The following PCDHA7 variants were observed in gnomAD, a reference collection of about 807,000 sequenced individuals.
PCDHA7 encodes protocadherin alpha-7.
A neutral mutation model predicts 57.2 loss-of-function variants in PCDHA7; 37 were observed. The observed-to-expected ratio is 0.65, with a 90% CI of 0.50 to 0.85. The LOEUF is 0.85. Among genes scored for constraint, PCDHA7 ranks in the 40% least tolerant of loss-of-function variants. The probability of loss-of-function intolerance (pLI) is 0.00; values close to 1 mark genes in which losing one functional copy is unlikely to be tolerated. For missense variants in PCDHA7, 1,188 were observed against 1,241.8 expected, an observed-to-expected ratio of 0.96 and a Z score of 0.65; for synonymous variants, 553 against 558.8, an observed-to-expected ratio of 0.99 and a Z score of 0.15.
intron 1 of PCDHA7, chr5:140,871,001 C>T (rs2052611705): frequency 1.9e-6 from 3 of 1,613,292 alleles, no homozygotes; most frequent in Admixed American, 1.7e-5. Flanking sequence ...ATAAGCACAA[C>T]GCGTGCCCTG....
intron 1 of PCDHA7, chr5:140,843,047 G>T (rs2150350980): frequency 1.9e-6 from 3 of 1,594,938 alleles, no homozygotes; most frequent in Non-Finnish European, 2.6e-6. Flanking sequence ...CACTGGTGGC[G>T]CAGCGAGCAA....
chr5:140,913,670 A>G (rs2076427033), intron 1 of PCDHA7, among the ~76,000 whole-genome samples: 1 of 152,090 alleles, frequency 6.6e-6, no homozygotes, highest in Non-Finnish European at 1.5e-5. Flanking sequence ...TAGTTAGGTT[A>G]TTTAAAATGA....
intron 1 of PCDHA7, among the ~76,000 whole-genome samples, chr5:140,948,051 T>A (rs1554218425): frequency 2.0e-5 from 3 of 151,622 alleles, no homozygotes; most frequent in African/African-American, 7.2e-5. Context: ...CATGATTCAT[T>A]GTTGAATTTC....
At chr5:140,897,458 G>T (rs191522392) in intron 1 of PCDHA7, among the ~76,000 whole-genome samples, 1 of 151,310 alleles carries the variant, frequency 6.6e-6, no homozygotes, top group African/African-American at 2.4e-5. Flanking sequence ...TTGTCCTTGC[G>T]ATAGTTTACT....
Position 140,843,107 on chromosome 5 carries a change from G to T in PCDHA7, c.2355+6369G>T, listed in dbSNP as rs1554139748. The T allele has an allele frequency of 5.6e-6, 9 of 1,595,816 alleles. 1 individual carries two copies. Among genetic ancestry groups the T allele is most frequent in the Non-Finnish European group, 6.9e-6 (8 of 1,165,524 alleles). ...GGGCCACGTGGTAGCGAAGGTGCGCGCAGTGGACGCCGACTCGGGCTACAA... is the reference window on the plus strand; with the variant it reads ...GGGCCACGTGGTAGCGAAGGTGCGCTCAGTGGACGCCGACTCGGGCTACAA... On this transcript the variant is annotated intron_variant, in intron 1 of 3. Coordinates refer to ENST00000525929, the MANE Select transcript of PCDHA7 (RefSeq NM_018910.3).
At chr5:140,882,319 G>A in intron 1 of PCDHA7, 1 of 1,614,136 alleles carries the variant, frequency 6.2e-7, no homozygotes, top group Admixed American at 1.7e-5. Context: ...TACTGCTCTG[G>A]CTTCTGATCC....
At chr5:140,908,185 G>C (rs1399259532) in intron 1 of PCDHA7, among the ~76,000 whole-genome samples, 1 of 152,148 alleles carries the variant, frequency 6.6e-6, no homozygotes, top group East Asian at 1.9e-4. Flanking sequence ...TCCACTTTCA[G>C]GTGGTGGACA....
At chr5:140,974,779 C>T (rs950634910) in intron 1 of PCDHA7, among the ~76,000 whole-genome samples, 1 of 152,160 alleles carries the variant, frequency 6.6e-6, no homozygotes, top group African/African-American at 2.4e-5. Context: ...TGAGCCACTG[C>T]GCCCAGCCCT....
chr5:140,958,484 G>T (rs246009), intron 1 of PCDHA7, among the ~76,000 whole-genome samples: 1 of 151,754 alleles, frequency 6.6e-6, no homozygotes, highest in Non-Finnish European at 1.5e-5. Flanking sequence ...AGAGCACTAA[G>T]TCCACATATC....
intron 1 of PCDHA7, among the ~76,000 whole-genome samples, chr5:140,903,429 G>A (rs782504374): frequency 1.3e-5 from 2 of 152,180 alleles, no homozygotes; most frequent in Non-Finnish European, 2.9e-5. Context: ...AGCACAATAT[G>A]TATCAGTGGA....
intron 1 of PCDHA7, chr5:140,929,538 A>C: frequency 3.3e-6 from 2 of 603,382 alleles, no homozygotes; most frequent in Non-Finnish European, 5.1e-6. Context: ...TTGAGAAACA[A>C]GGGCAAAAAT....
chr5:140,984,271 A>G (rs1403531837), intron 3 of PCDHA7, among the ~76,000 whole-genome samples: 1 of 152,196 alleles, frequency 6.6e-6, no homozygotes, highest in African/African-American at 2.4e-5. Context: ...ACTAACTTTG[A>G]ATACATTCTC....
chr5:140,834,522 C>G lies in PCDHA7; in HGVS notation c.139C>G (p.Arg47Gly). The change falls in exon 1 of 4, where the codon CGC becomes GGC. Residue 47 changes from arginine to glycine, a missense_variant. By Grantham distance (125) the Arg-to-Gly change is moderately radical. Coordinates refer to ENST00000525929, the MANE Select transcript of PCDHA7 (RefSeq NM_018910.3). The stretch of plus-strand genomic sequence containing the variant: ...GGCTAAACATGGCAACTTCGTGGGC[C>G]GCATCGCGCAGGACCTGGGGCTGGA... Reference protein sequence around the residue: ...EEAKHGNFVGRIAQDLGLELA... With the variant: ...EEAKHGNFVGGIAQDLGLELA... The G allele has an allele frequency of 6.2e-7, 1 of 1,614,068 alleles. No homozygotes were observed. The highest frequency in any genetic ancestry group is 8.5e-7 in the Non-Finnish European group (1 of 1,180,042).
intron 1 of PCDHA7, chr5:140,884,501 G>A: frequency 1.9e-6 from 3 of 1,614,146 alleles, no homozygotes; most frequent in Middle Eastern, 1.6e-4. Context: ...CTCCAGCGCG[G>A]CAGGGAGTTG....
rs943373745 is a variant in PCDHA7 at position 140,935,260 on chromosome 5, G to A, written c.2356-43689G>A. Among the ~76,000 whole-genome samples the A allele has an allele frequency of 3.3e-5, 5 of 152,168 alleles. No individual in the cohort carries two copies. In the South Asian group the frequency reaches 8.3e-4, roughly 25 times the overall value. On this transcript the variant is annotated intron_variant, in intron 1 of 3. Transcript: ENST00000525929. ...TTTTAAAAGATAAAATACATCACAT[G>A]TTTATACTAATCTAATAAAGTTCAG... is the stretch of plus-strand genomic sequence containing the variant.
Position 141,011,434 on chromosome 5 carries a change from C to A in PCDHA7, c.*1497C>A, listed in dbSNP as rs934032017. 6.5e-6 allele frequency: 1 copy of A among 153,726 alleles called. No homozygotes were observed. Among genetic ancestry groups the A allele is most frequent in the African/African-American group, 2.4e-5 (1 of 41,446 alleles). The allele number at this position is 153,726 out of a possible 1,614,324, so 9.5% of individuals were successfully genotyped here. The stretch of plus-strand genomic sequence containing the variant: ...ATGTGAATGTTAATGCAACTATTAC[C>A]TAGAGTGAACTTTAAGCTTTATTGT... On this transcript the variant is annotated 3_prime_UTR_variant, in exon 4 of 4. Transcript: ENST00000525929.
chr5:140,849,689 G>A, intron 1 of PCDHA7: 1 of 1,598,668 alleles, frequency 6.3e-7, no homozygotes, highest in South Asian at 1.1e-5. Context: ...TCAAGCTGGT[G>A]TCCACCTACA....
At chr5:140,894,740 A>AT (rs1157881854) in intron 1 of PCDHA7, among the ~76,000 whole-genome samples, 7 of 151,086 alleles carry the variant, frequency 4.6e-5, no homozygotes, top group Middle Eastern at 3.4e-3. Flanking sequence ...AATTTGTGGA[A>AT]TTTTTTTTCT....
intron 1 of PCDHA7, among the ~76,000 whole-genome samples, chr5:140,900,435 G>A (rs1219799362): frequency 3.3e-5 from 5 of 152,088 alleles, no homozygotes; most frequent in African/African-American, 9.7e-5. Context: ...GTGCCACCAC[G>A]GCCGGCTAAT....
Sources: allele counts gnomAD v4.1 joint callset (sites outside exome capture counted in the v4.1 genomes callset), GRCh38; gene constraint gnomAD v4.1.1; transcripts MANE v1.5; gene names NCBI Gene and HGNC (gene_info 2026-07-23, HGNC 2026-07-21).